Variants in SPATA9 observed in about 807,000 individuals in gnomAD.
SPATA9 encodes spermatogenesis associated 9, also known as spermatogenesis-associated protein 9.
A neutral mutation model predicts 25.5 loss-of-function variants in SPATA9; 27 were observed. The ratio of observed to expected loss-of-function variants is 1.06; its 90% CI spans 0.78 to 1.46. SPATA9 has a LOEUF of 1.46. Among genes scored for constraint, SPATA9 ranks in the 40% most tolerant of loss-of-function variants. The pLI is 0.00. For synonymous variants in SPATA9, 102 were observed against 105.7 expected, an observed-to-expected ratio of 0.97 and a Z score of 0.21; for missense variants, 282 against 297.5, an observed-to-expected ratio of 0.95 and a Z score of 0.38.
At chr5:95,704,008 C>T in the SPATA9 span, among the ~76,000 whole-genome samples, 2 of 152,084 alleles carry the variant, frequency 1.3e-5, no homozygotes, top group Non-Finnish European at 2.9e-5. Context: ...CACTGACAAA[C>T]GTGCATGCAG....
the SPATA9 span, among the ~76,000 whole-genome samples, chr5:95,712,396 A>C: frequency 6.6e-6 from 1 of 152,178 alleles, no homozygotes; most frequent in African/African-American, 2.4e-5. Flanking sequence ...AGCTGAAGTG[A>C]CACTGTGTGA....
upstream of SPATA9, among the ~76,000 whole-genome samples, chr5:95,684,421 A>T (rs1229728672): frequency 1.3e-5 from 2 of 152,130 alleles, no homozygotes; most frequent in Non-Finnish European, 2.9e-5. Context: ...GTCATTGCCC[A>T]ACTGGTTTTA....
chr5:95,672,402 G>A (rs1285957104), intron 3 of SPATA9, among the ~76,000 whole-genome samples: 3 of 150,882 alleles, frequency 2.0e-5, no homozygotes, highest in Non-Finnish European at 4.4e-5. Flanking sequence ...AACCCCTGGA[G>A]CAACAAGCAC....
At chr5:95,716,014 C>A in the SPATA9 span, among the ~76,000 whole-genome samples, 1 of 152,198 alleles carries the variant, frequency 6.6e-6, no homozygotes, top group Admixed American at 6.5e-5. Flanking sequence ...GACTCACTGT[C>A]CACCAGAACT....
At chr5:95,711,693 G>A in the SPATA9 span, among the ~76,000 whole-genome samples, 9 of 152,328 alleles carry the variant, frequency 5.9e-5, no homozygotes, top group Non-Finnish European at 1.2e-4. Flanking sequence ...TTCTTCAGAG[G>A]GAGGCAGTAC....
At chr5:95,652,240 T>C (rs1461127963), downstream of SPATA9, 6 of 1,543,100 alleles carry the variant, frequency 3.9e-6, no homozygotes, top group Non-Finnish European at 5.3e-6. Context: ...TGATCTTGCC[T>C]CTCTACAACC....
the SPATA9 span, among the ~76,000 whole-genome samples, chr5:95,712,025 A>G: frequency 6.6e-6 from 1 of 152,184 alleles, no homozygotes; most frequent in Non-Finnish European, 1.5e-5. Context: ...AACCAAGAGA[A>G]AAATTTTTCA....
At chr5:95,682,114 G>C (rs191651135) in intron 2 of SPATA9, among the ~76,000 whole-genome samples, 4 of 152,064 alleles carry the variant, frequency 2.6e-5, no homozygotes, top group Non-Finnish European at 5.9e-5. Context: ...TGATACTACT[G>C]TTTTCTTTCC....
the SPATA9 span, among the ~76,000 whole-genome samples, chr5:95,729,714 CTTTCTG>C: frequency 1.3e-5 from 2 of 152,168 alleles, no homozygotes; most frequent in African/African-American, 4.8e-5. Flanking sequence ...CATGATTCTA[CTTTCTG>C]TTTCTAAGAG....
In SPATA9 at chr5:95,658,633, T is replaced by C; in HGVS notation, c.755A>G (p.Glu252Gly). The change falls in exon 5 of 5, where the codon GAG becomes GGG. Residue 252 changes from glutamate (E) to glycine (G), a missense_variant. Transcript: ENST00000274432. ...CAGTGATACCTGTATTCAGATTTGCTCATTCATTTCAGCTGATTGGTCAAA... is the reference window on the plus strand; with the variant it reads ...CAGTGATACCTGTATTCAGATTTGCCCATTCATTTCAGCTGATTGGTCAAA... ...SVFDQSAEMN[E>G]QI 1 of 1,612,532 alleles carries C rather than the reference T, an allele frequency of 6.2e-7. No individual in the cohort carries two copies. The highest frequency in any genetic ancestry group is 8.5e-7 in the Non-Finnish European group (1 of 1,179,330).
At chr5:95,715,797 A>G in the SPATA9 span, among the ~76,000 whole-genome samples, 1 of 152,238 alleles carries the variant, frequency 6.6e-6, no homozygotes, top group African/African-American at 2.4e-5. Context: ...AAGATTAACT[A>G]CAGAATGAGA....
In SPATA9 at chr5:95,675,400, G is replaced by A. The variant is rs1752830200; in HGVS notation, c.378+12C>T. The A allele has an allele frequency of 6.3e-7, 1 of 1,596,286 alleles. No individual in the cohort carries two copies. Among genetic ancestry groups the A allele is most frequent in the Admixed American group, 1.7e-5 (1 of 57,672 alleles). On this transcript the variant is annotated intron_variant, in intron 3 of 4. Transcript: ENST00000274432. ...AAAAAAGGGGAATTGTGCATATGCA[G>A]TATTCCCTTACCTGAATGTTATATA...
At chr5:95,669,286 C>T (rs1752124305) in intron 3 of SPATA9, among the ~76,000 whole-genome samples, 1 of 152,122 alleles carries the variant, frequency 6.6e-6, no homozygotes, top group Non-Finnish European at 1.5e-5. Context: ...AGGAAATATC[C>T]TCTTTCCCCG....
At chr5:95,706,871 C>T in the SPATA9 span, among the ~76,000 whole-genome samples, 2 of 151,830 alleles carry the variant, frequency 1.3e-5, no homozygotes, top group African/African-American at 4.8e-5. Context: ...CAAAGTATAC[C>T]TTTATTAATA....
intron 8 of SPATA9, chr5:95,653,214 G>A (rs1470030872): frequency 1.9e-6 from 3 of 1,551,546 alleles, no homozygotes; most frequent in Non-Finnish European, 2.6e-6. Context: ...TTTTATCTGA[G>A]GTAAGAAAAT....
chr5:95,652,931 A>G (rs1215756013), downstream of SPATA9: 2 of 733,792 alleles, frequency 2.7e-6, no homozygotes, highest in Non-Finnish European at 4.1e-6. Context: ...AAAGAAATCA[A>G]TTCACACTTT....
upstream of SPATA9, chr5:95,684,592 A>T (rs1753686927): frequency 6.6e-6 from 1 of 152,224 alleles, no homozygotes; most frequent in African/African-American, 2.4e-5. Flanking sequence ...TTTCTTACTT[A>T]AGAGCCCTCT....
At chr5:95,695,867 T>C (rs1754007255) in intron 1 of SPATA9, among the ~76,000 whole-genome samples, 1 of 152,186 alleles carries the variant, frequency 6.6e-6, no homozygotes, top group Non-Finnish European at 1.5e-5. Flanking sequence ...GCAGAAATGA[T>C]GGAATGTTAC....
chr5:95,687,907 T>C (rs1303384515), upstream of SPATA9, among the ~76,000 whole-genome samples: 1 of 152,232 alleles, frequency 6.6e-6, no homozygotes. Flanking sequence ...AGGCACTCAA[T>C]AAATCTTTCC....
Sources: allele counts gnomAD v4.1 joint callset (sites outside exome capture counted in the v4.1 genomes callset), GRCh38; gene constraint gnomAD v4.1.1; transcripts MANE v1.5; gene names NCBI Gene and HGNC (gene_info 2026-07-23, HGNC 2026-07-21).